The following GLS variants were observed in gnomAD, a reference collection of about 807,000 sequenced individuals.
GLS encodes the protein glutaminase kidney isoform, mitochondrial.
A neutral mutation model predicts 86.7 loss-of-function variants in GLS; 36 were observed. The ratio of observed to expected loss-of-function variants is 0.42; its 90% CI spans 0.32 to 0.55. The LOEUF is 0.55. Among genes scored for constraint, GLS ranks in the 20% least tolerant of loss-of-function variants. The probability of loss-of-function intolerance (pLI) is 0.17; values close to 1 mark genes in which losing one functional copy is unlikely to be tolerated. For synonymous variants in GLS, 317 were observed against 305.9 expected (o/e 1.04, Z -0.38); for missense variants, 528 against 833.4 (o/e 0.63, Z 4.51).
intron 14 of GLS, chr2:190,934,368 C>G (rs899609256): frequency 2.2e-5 from 21 of 959,920 alleles, no homozygotes; most frequent in Non-Finnish European, 2.6e-5. Flanking sequence ...GCCAAAAAGC[C>G]TTTTGGGCTA....
intron 14 of GLS, among the ~76,000 whole-genome samples, chr2:190,950,033 G>C (rs975163360): frequency 6.6e-6 from 1 of 151,588 alleles, no homozygotes; most frequent in Non-Finnish European, 1.5e-5. Context: ...CAAGGTAAGG[G>C]ATAAGGAGTG....
rs1574628433 is a variant in GLS, at chr2:190,964,134, G to T, written c.*1148G>T. 6.6e-6 allele frequency: 1 copy of T among 151,994 alleles called. No homozygotes were observed. The highest frequency in any genetic ancestry group is 2.4e-5 in the African/African-American group (1 of 41,376). The allele number at this position is 151,994 out of a possible 1,614,324, so 9.4% of individuals were successfully genotyped here. ...GGTGGGCTCTGTAGTTTAATAATAA[G>T]AAAAAGGCCATTTCATTTTAAATTG... On this transcript the variant is annotated 3_prime_UTR_variant, in exon 18 of 18. Transcript: ENST00000320717. This position sits in a 1 kb window ranked among gnomAD's most constrained non-coding sequence, Gnocchi z 5.2.
Position 190,881,188 on chromosome 2 carries a change from G to A in GLS, c.104G>A (p.Cys35Tyr), listed in dbSNP as rs1428684666. Residue 35 changes from cysteine to tyrosine, a missense_variant, in exon 1 of 18, where the codon TGC becomes TAC. Transcript: ENST00000320717. ...LRRAQPLVTL[C>Y]RRPRGGGRPA... ...CGGGCACAGCCCTTGGTCACCCTGT[G>A]CCGGCGTCCCCGAGGCGGGGGACGG... 4.5e-6 allele frequency: 6 copies of A among 1,331,394 alleles called. No individual in the cohort carries two copies. The highest frequency in any genetic ancestry group is 7.3e-5 in the Admixed American group (2 of 27,294). The allele number at this position is 1,331,394 out of a possible 1,614,324, so 82.5% of individuals were successfully genotyped here.
chr2:190,912,364 T>A (rs1234579096), intron 7 of GLS, among the ~76,000 whole-genome samples: 2 of 151,090 alleles, frequency 1.3e-5, no homozygotes, highest in Admixed American at 1.3e-4. Flanking sequence ...TTTTTTTTTT[T>A]TATGAAGTTC....
At chr2:190,912,168 G>C (rs1156925810) in intron 7 of GLS, among the ~76,000 whole-genome samples, 1 of 152,058 alleles carries the variant, frequency 6.6e-6, no homozygotes, top group African/African-American at 2.4e-5. Context: ...GTGTGGTTCA[G>C]TGTTCAACAG....
At chr2:190,902,735 TATC>T (rs1363798578) in intron 5 of GLS, among the ~76,000 whole-genome samples, 4 of 152,210 alleles carry the variant, frequency 2.6e-5, no homozygotes, top group Non-Finnish European at 5.9e-5. Context: ...TAAAGATTGT[TATC>T]ATCTTATAAT....
intron 14 of GLS, among the ~76,000 whole-genome samples, chr2:190,944,316 T>A (rs1690527603): frequency 6.6e-6 from 1 of 152,168 alleles, no homozygotes; most frequent in Admixed American, 6.5e-5. Context: ...ATATAGCACT[T>A]TATCATTCCA....
chr2:190,888,857 A>G (rs917900263), intron 1 of GLS, among the ~76,000 whole-genome samples: 12 of 152,226 alleles, frequency 7.9e-5, no homozygotes, highest in African/African-American at 2.9e-4. Flanking sequence ...TACCTTCTGT[A>G]TCCAGTTCTG....
chr2:190,901,731 C>CTT (rs1688946605), intron 4 of GLS, among the ~76,000 whole-genome samples: 1 of 151,768 alleles, frequency 6.6e-6, no homozygotes, highest in South Asian at 2.1e-4. Flanking sequence ...ATAATAGAGA[C>CTT]TGAGAAAAGT....
chr2:190,937,558 A>G (rs1346950411), intron 14 of GLS, among the ~76,000 whole-genome samples: 2 of 151,414 alleles, frequency 1.3e-5, no homozygotes, highest in African/African-American at 4.8e-5. Flanking sequence ...TAACAAAGTG[A>G]TTCTGTTACT....
chr2:190,942,340 A>G (rs2124933177), intron 14 of GLS, among the ~76,000 whole-genome samples: 1 of 152,184 alleles, frequency 6.6e-6, no homozygotes, highest in East Asian at 1.9e-4. Context: ...TCGGTCTCCC[A>G]AAATGCTGGG....
intron 1 of GLS, among the ~76,000 whole-genome samples, chr2:190,884,813 G>A (rs1357559080): frequency 6.6e-6 from 1 of 152,150 alleles, no homozygotes; most frequent in Non-Finnish European, 1.5e-5. Flanking sequence ...CAACAATGAG[G>A]TCACTTTCCC....
chr2:190,957,859 T>C (rs1184944873), intron 17 of GLS, among the ~76,000 whole-genome samples: 1 of 152,210 alleles, frequency 6.6e-6, no homozygotes, highest in Admixed American at 6.5e-5. Flanking sequence ...GATACTGGCC[T>C]GAAATTTTCT....
intron 3 of GLS, among the ~76,000 whole-genome samples, chr2:190,898,400 G>A (rs1163879260): frequency 6.6e-6 from 1 of 152,142 alleles, no homozygotes; most frequent in East Asian, 1.9e-4. Flanking sequence ...CATTTTATAT[G>A]ACTTCTCATT....
chr2:190,896,561 T>C (rs1337791751), intron 3 of GLS: 1 of 152,250 alleles, frequency 6.6e-6, no homozygotes, highest in African/African-American at 2.4e-5. Context: ...ACTTTTGTTT[T>C]ATCTTCTTTT....
rs1007517165 is a variant in GLS at position 190,921,767 on chromosome 2, C to G, written c.1130+564C>G. 7.2e-5 allele frequency among the ~76,000 whole-genome samples: 11 copies of G among 152,034 alleles called. No individual in the cohort carries two copies. Among genetic ancestry groups the G allele is most frequent in the African/African-American group, 2.6e-4 (11 of 41,528 alleles). On this transcript the variant is annotated intron_variant, in intron 9 of 17. Transcript: ENST00000320717. The surrounding 1 kb of genome is among the most constrained non-coding windows in gnomAD (Gnocchi z 4.2). ...TACAGTCTAAGAATAAGGACATTCT[C>G]CTACATAACCACAATACCATTAACA... is the stretch of plus-strand genomic sequence containing the variant.
At chr2:190,912,201 C>T (rs1689383664) in intron 7 of GLS, among the ~76,000 whole-genome samples, 1 of 152,028 alleles carries the variant, frequency 6.6e-6, no homozygotes, top group South Asian at 2.1e-4. Flanking sequence ...ATTGAGTCAT[C>T]TTGTACCTAC....
In GLS at chr2:190,954,202, T is replaced by C. The variant is rs1204062101; in HGVS notation, c.1713-382T>C. ...AAGTCTGACAAGTACTAGTAGACTG[T>C]GAAATGTTTAAGAATGGGAGTCTTA... On this transcript the variant is annotated intron_variant, in intron 15 of 17. Coordinates refer to ENST00000320717, the MANE Select transcript of GLS (RefSeq NM_014905.5). This position sits in a 1 kb window ranked among gnomAD's most constrained non-coding sequence, Gnocchi z 4.0. 1.3e-5 allele frequency among the ~76,000 whole-genome samples: 2 copies of C among 152,066 alleles called. No homozygotes were observed. Among genetic ancestry groups the C allele is most frequent in the Non-Finnish European group, 2.9e-5 (2 of 67,992 alleles).
intron 7 of GLS, among the ~76,000 whole-genome samples, chr2:190,911,879 A>T (rs932451455): frequency 1.3e-5 from 2 of 152,096 alleles, no homozygotes; most frequent in Non-Finnish European, 1.5e-5. Flanking sequence ...CTGAAGAGAG[A>T]TTAACATACA....
Sources: gnomAD v4.1 joint callset for allele counts (sites outside exome capture counted in the v4.1 genomes callset) on GRCh38, gnomAD v4.1.1 for gene constraint, Gnocchi (gnomAD v3.1) non-coding constraint, MANE v1.5 for transcripts, NCBI Gene and HGNC (gene_info 2026-07-23, HGNC 2026-07-21) for gene names.